The following THSD4 variants were observed in gnomAD, a reference collection of about 807,000 sequenced individuals.
The protein encoded by THSD4 is thrombospondin type-1 domain-containing protein 4.
In THSD4, 69 loss-of-function variants were observed where a neutral mutation model predicts 119.0. That is an observed-to-expected ratio of 0.58 (90% CI 0.48 to 0.71). THSD4 has a LOEUF of 0.71. Ranked by LOEUF, THSD4 falls within the 30% of genes least tolerant of loss-of-function variation. The pLI is 0.00. For missense variants in THSD4, 1,393 were observed against 1,391.1 expected (o/e 1.00, Z -0.02); for synonymous variants, 524 against 540.4 (o/e 0.97, Z 0.42).
At chr15:71,150,006 T>G (rs2040704506) in intron 2 of THSD4, among the ~76,000 whole-genome samples, 1 of 152,144 alleles carries the variant, frequency 6.6e-6, no homozygotes, top group South Asian at 2.1e-4. Context: ...TTTTTTTTGT[T>G]TGGTGTGAAA....
In THSD4 at chr15:71,783,160, G is replaced by C. The variant is rs1038434056; in HGVS notation, c.*5786G>C. On this transcript the variant is annotated 3_prime_UTR_variant, in exon 18 of 18. Transcript: ENST00000261862. ...TTATTACATAAGCAGGTGAAAGGTAGAAGGCGAATTATGTGAGTAAATATG... is the reference window on the plus strand; with the variant it reads ...TTATTACATAAGCAGGTGAAAGGTACAAGGCGAATTATGTGAGTAAATATG... 1.3e-5 allele frequency: 2 copies of C among 152,202 alleles called. No homozygotes were observed. The highest frequency in any genetic ancestry group is 2.9e-5 in the Non-Finnish European group (2 of 68,038). The allele number at this position is 152,202 out of a possible 1,614,324, so 9.4% of individuals were successfully genotyped here. A position where few individuals can be genotyped will look rare whatever the true frequency, so the allele number is the denominator to read the frequency against.
Position 71,368,093 on chromosome 15 carries a change from T to C in THSD4, c.1016-43594T>C, listed in dbSNP as rs575430796. ...TGCATAAATGTCTTCTTTTGAGAAG[T>C]GTCTGTTCATATCCTTCGCCCACTT... On this transcript the variant is annotated intron_variant, in intron 6 of 17. Coordinates refer to ENST00000261862, the MANE Select transcript of THSD4 (RefSeq NM_024817.3). 5.3e-5 allele frequency among the ~76,000 whole-genome samples: 8 copies of C among 152,352 alleles called. No individual in the cohort carries two copies. The East Asian group carries it at 1.3e-3, about 26-fold the overall frequency.
At chr15:71,434,506 TC>T (rs1329546869) in intron 7 of THSD4, among the ~76,000 whole-genome samples, 1 of 144,494 alleles carries the variant, frequency 6.9e-6, no homozygotes, top group Admixed American at 7.1e-5. Flanking sequence ...CTCCTCTAGA[TC>T]TCTTCATGTA....
rs976473926 is a variant in THSD4, at chr15:71,777,525, C to T, written c.*151C>T. 9.2e-6 allele frequency: 10 copies of T among 1,091,350 alleles called. No homozygotes were observed. The highest frequency in any genetic ancestry group is 3.0e-4 in the Middle Eastern group (1 of 3,306). 67.6% of individuals were successfully genotyped at this position (1,091,350 alleles called of 1,614,324 possible). The stretch of plus-strand genomic sequence containing the variant: ...ACCCCTGCCTCCGGTGAATGCACCC[C>T]GTGGTACCCAGGGGCTTTTTACACA... On this transcript the variant is annotated 3_prime_UTR_variant, in exon 18 of 18. Coordinates refer to ENST00000261862, the MANE Select transcript of THSD4 (RefSeq NM_024817.3).
At chr15:71,203,116 A>G (rs2043816470) in intron 3 of THSD4, among the ~76,000 whole-genome samples, 1 of 152,088 alleles carries the variant, frequency 6.6e-6, no homozygotes, top group Non-Finnish European at 1.5e-5. Context: ...GCAGAGTAGA[A>G]GAGAGAGCAT....
intron 10 of THSD4, among the ~76,000 whole-genome samples, chr15:71,735,328 G>A (rs1255368058): frequency 2.0e-5 from 3 of 152,118 alleles, no homozygotes. Context: ...CCGCTGCAGG[G>A]GTGGCTTCCT....
At chr15:71,304,744 C>T (rs1187726561) in intron 6 of THSD4, among the ~76,000 whole-genome samples, 1 of 152,146 alleles carries the variant, frequency 6.6e-6, no homozygotes, top group Admixed American at 6.5e-5. Context: ...GAGATTCCTT[C>T]CAACAAAAAG....
intron 3 of THSD4, 106 bp downstream of exon 3, chr15:71,155,038 C>G: frequency 9.6e-7 from 1 of 1,037,800 alleles, no homozygotes; most frequent in Non-Finnish European, 1.5e-6. Flanking sequence ...ACCACTGATC[C>G]TGAAAGGAAG....
chr15:71,298,893 G>A (rs2044904903), intron 6 of THSD4, among the ~76,000 whole-genome samples: 1 of 152,190 alleles, frequency 6.6e-6, no homozygotes, highest in African/African-American at 2.4e-5. Flanking sequence ...GATTACAGGC[G>A]TGAGCCGTGC....
chr15:71,501,020 A>G (rs4777400), intron 7 of THSD4, among the ~76,000 whole-genome samples: 2 of 152,200 alleles, frequency 1.3e-5, no homozygotes, highest in African/African-American at 4.8e-5. Context: ...AAGCCATACC[A>G]TTGGGATTTT....
At chr15:71,541,188 T>G (rs561556269) in intron 7 of THSD4, among the ~76,000 whole-genome samples, 77 of 152,222 alleles carry the variant, frequency 5.1e-4, no homozygotes, top group Non-Finnish European at 8.7e-4. Context: ...CTATATTTTT[T>G]TAACCCAACA....
At chr15:71,680,715 C>G (rs181540231) in intron 8 of THSD4, among the ~76,000 whole-genome samples, 1 of 152,166 alleles carries the variant, frequency 6.6e-6, no homozygotes, top group Non-Finnish European at 1.5e-5. Context: ...CTCTCAGCCA[C>G]GCAGCTTTCT....
chr15:71,694,412 G>A (rs1055088166), intron 8 of THSD4, among the ~76,000 whole-genome samples: 2 of 152,122 alleles, frequency 1.3e-5, no homozygotes, highest in African/African-American at 4.8e-5. Flanking sequence ...ATGACTCTGG[G>A]TCAACATATT....
intron 4 of THSD4, among the ~76,000 whole-genome samples, chr15:71,240,838 C>T (rs62017773): frequency 0.05 from 6,896 of 136,892 alleles, 150 homozygotes; most frequent in African/African-American, 0.075. Context: ...CACACACACA[C>T]ATATATACAT....
intron 6 of THSD4, among the ~76,000 whole-genome samples, chr15:71,318,769 G>C (rs1405894487): frequency 6.6e-6 from 1 of 152,132 alleles, no homozygotes; most frequent in African/African-American, 2.4e-5. Context: ...AACAGAAGGA[G>C]CACAGACACC....
Position 71,533,773 on chromosome 15 carries a change from G to A in THSD4, c.1152+121950G>A, listed in dbSNP as rs533078596. 1.8e-4 allele frequency among the ~76,000 whole-genome samples: 28 copies of A among 152,288 alleles called. No homozygotes were observed. The East Asian group carries it at 5.2e-3, about 28-fold the overall frequency. On this transcript the variant is annotated intron_variant, in intron 7 of 17. Coordinates refer to ENST00000261862, the MANE Select transcript of THSD4 (RefSeq NM_024817.3). ...ACCAAGGCAGATGAGGGAAGGTTGT[G>A]AGAAGAACTCAACCTGCCATTGCTA...
chr15:71,287,643 G>A (rs1348010569), intron 6 of THSD4, among the ~76,000 whole-genome samples: 2 of 152,190 alleles, frequency 1.3e-5, no homozygotes, highest in African/African-American at 4.8e-5. Flanking sequence ...CCTTTTGTGA[G>A]GCAAATGTAA....
chr15:71,166,274 G>T lies in THSD4; in HGVS notation c.99+11342G>T, dbSNP rs574299844. ...TCCCTTATGAATGTACTGGAATGAC[G>T]GTGGAACCTCAGAGATGGAGGGGAT... On this transcript the variant is annotated intron_variant, in intron 3 of 17. Coordinates refer to ENST00000261862, the MANE Select transcript of THSD4 (RefSeq NM_024817.3). Among the ~76,000 whole-genome samples, 3 of 152,222 alleles carry T rather than the reference G, an allele frequency of 2.0e-5. No individual in the cohort carries two copies. The East Asian group carries it at 5.8e-4, about 29-fold the overall frequency.
chr15:71,197,990 C>T (rs2043734720), intron 3 of THSD4, among the ~76,000 whole-genome samples: 1 of 152,066 alleles, frequency 6.6e-6, no homozygotes, highest in African/African-American at 2.4e-5. Flanking sequence ...CATGGTGGCT[C>T]ATGCTTATAA....
Sources: gnomAD v4.1 joint callset for allele counts (sites outside exome capture counted in the v4.1 genomes callset) on GRCh38, gnomAD v4.1.1 for gene constraint, MANE v1.5 for transcripts, NCBI Gene and HGNC (gene_info 2026-07-23, HGNC 2026-07-21) for gene names.